The following HBP1 variants were observed in gnomAD, a reference collection of about 807,000 sequenced individuals.
The protein encoded by HBP1 is HMG box-containing protein 1.
HBP1 carries 20 observed loss-of-function variants against 62.6 expected under a neutral mutation model. The ratio of observed to expected loss-of-function variants is 0.32; its 90% CI spans 0.22 to 0.46. The LOEUF is 0.46. Ranked by LOEUF, HBP1 falls within the 20% of genes least tolerant of loss-of-function variation. HBP1 has a pLI of 1.00. For missense variants in HBP1, 480 were observed against 611.8 expected (o/e 0.78, Z 2.27); for synonymous variants, 232 against 206.2 (o/e 1.12, Z -1.07).
chr7:107,199,432 TAA>T (rs1491125720), intron 9 of HBP1, among the ~76,000 whole-genome samples: 2 of 152,174 alleles, frequency 1.3e-5, no homozygotes, highest in African/African-American at 4.8e-5. Flanking sequence ...TTAACTGCAT[TAA>T]GTTATTGGAT....
chr7:107,185,664 T>TG, intron 3 of HBP1, 137 bp from the exon 4 acceptor site: 1 of 574,194 alleles, frequency 1.7e-6, no homozygotes, highest in Non-Finnish European at 3.1e-6. Context: ...AATGAAATCT[T>TG]GCTGTCTTTA....
At chr7:107,181,900 G>GA (rs1797123397) in intron 2 of HBP1, among the ~76,000 whole-genome samples, 1 of 151,674 alleles carries the variant, frequency 6.6e-6, no homozygotes, top group Non-Finnish European at 1.5e-5. Context: ...GCACTTATAG[G>GA]AAAAAATAAC....
At chr7:107,182,628 G>A (rs1442662764) in intron 3 of HBP1, 27 bp downstream of exon 3, 1 of 1,219,000 alleles carries the variant, frequency 8.2e-7, no homozygotes, top group Non-Finnish European at 1.2e-6. Context: ...TATTTTTATT[G>A]AAACATTCTA....
intron 1 of HBP1, chr7:107,169,703 G>T (rs1486461551): frequency 5.1e-6 from 5 of 980,560 alleles, no homozygotes; most frequent in Non-Finnish European, 4.8e-6. Context: ...GCTGGGCCCC[G>T]GGGCTCATTG....
At chr7:107,199,271 G>A (rs115415782) in intron 9 of HBP1, among the ~76,000 whole-genome samples, 2,020 of 152,152 alleles carry the variant, frequency 0.013, 43 homozygotes, top group African/African-American at 0.045. Flanking sequence ...ATGGGGTGAC[G>A]GGGTTTCACC....
intron 8 of HBP1, among the ~76,000 whole-genome samples, chr7:107,193,577 A>C (rs1797753439): frequency 6.6e-6 from 1 of 152,200 alleles, no homozygotes; most frequent in African/African-American, 2.4e-5. Context: ...GGTTTATTTA[A>C]CTTGCCCAAG....
Position 107,200,157 on chromosome 7 carries a change from C to A in HBP1, c.1386-3C>A. ...CAGCATTGTGTAAATATTTATTTTA[C>A]AGAGCCATAAGTGTGATCCTTGGTG... is the stretch of plus-strand genomic sequence containing the variant. On this transcript the variant is annotated splice_region_variant and splice_polypyrimidine_tract_variant and intron_variant, in intron 9 of 10. Transcript: ENST00000222574. 1 of 1,570,592 alleles carries A rather than the reference C, an allele frequency of 6.4e-7. No individual in the cohort carries two copies. The highest frequency in any genetic ancestry group is 1.2e-5 in the South Asian group (1 of 83,230).
intron 10 of HBP1, 69 bp downstream of exon 10, chr7:107,200,370 C>A: frequency 1.5e-6 from 2 of 1,319,668 alleles, no homozygotes; most frequent in Non-Finnish European, 2.1e-6. Context: ...CATGTTGGAG[C>A]AGTTGTTACA....
intron 1 of HBP1, among the ~76,000 whole-genome samples, chr7:107,175,317 A>G (rs779974659): frequency 1.3e-5 from 2 of 152,172 alleles, no homozygotes; most frequent in South Asian, 2.1e-4. Context: ...AGCATTTTAC[A>G]TGATCTCACT....
chr7:107,197,945 T>A (rs1442019641), intron 9 of HBP1, among the ~76,000 whole-genome samples: 1 of 152,202 alleles, frequency 6.6e-6, no homozygotes, highest in Non-Finnish European at 1.5e-5. Context: ...AGGTACATGC[T>A]GCATTTCTCT....
chr7:107,187,334 C>A (rs1797436576), intron 6 of HBP1, among the ~76,000 whole-genome samples: 1 of 152,032 alleles, frequency 6.6e-6, no homozygotes, highest in Admixed American at 6.6e-5. Flanking sequence ...GTGATTAATT[C>A]CCCTGTAGAT....
intron 6 of HBP1, 107 bp downstream of exon 6, chr7:107,186,788 T>A (rs999321473): frequency 4.4e-6 from 3 of 689,086 alleles, no homozygotes; most frequent in Non-Finnish European, 7.6e-6. Context: ...TTAAATGACA[T>A]CGTACATTTT....
intron 2 of HBP1, among the ~76,000 whole-genome samples, chr7:107,181,676 T>G (rs1421526915): frequency 6.6e-6 from 1 of 151,530 alleles, no homozygotes; most frequent in African/African-American, 2.4e-5. Flanking sequence ...TTTTAAGCCT[T>G]CAAGATGCTT....
At chr7:107,196,340 C>T in intron 9 of HBP1, 189 bp downstream of exon 9, 1 of 617,650 alleles carries the variant, frequency 1.6e-6, no homozygotes, top group Non-Finnish European at 3.0e-6. Flanking sequence ...ACGATCTCAG[C>T]TCACTGCAAC....
intron 6 of HBP1, 123 bp from the exon 7 acceptor site, chr7:107,189,169 T>A (rs1453129463): frequency 2.7e-6 from 2 of 734,806 alleles, no homozygotes; most frequent in Non-Finnish European, 4.4e-6. Context: ...GAAAGCTCTT[T>A]AATGGCAGGG....
chr7:107,169,661 G>C, intron 1 of HBP1: 1 of 806,542 alleles, frequency 1.2e-6, no homozygotes. Flanking sequence ...GACTGAGGGG[G>C]ATTCTGGCTG....
rs1056277387 is a variant in HBP1 at position 107,201,578 on chromosome 7, A to C, written c.*147A>C. Reference sequence around the variant, plus strand: ...CATTGAGTCTTGAAATGATTTAATAATATGAGTGAGGATTTGCTTTCTCCA... The same window carrying C: ...CATTGAGTCTTGAAATGATTTAATACTATGAGTGAGGATTTGCTTTCTCCA... On this transcript the variant is annotated 3_prime_UTR_variant, in exon 11 of 11. Coordinates refer to ENST00000222574, the MANE Select transcript of HBP1 (RefSeq NM_012257.4). 2.1e-6 allele frequency: 1 copy of C among 467,710 alleles called. No individual in the cohort carries two copies. The highest frequency in any genetic ancestry group is 3.9e-6 in the Non-Finnish European group (1 of 254,210). 29.0% of individuals were successfully genotyped at this position (467,710 alleles called of 1,614,324 possible).
At chr7:107,188,495 C>T (rs1797495130) in intron 6 of HBP1, among the ~76,000 whole-genome samples, 1 of 152,160 alleles carries the variant, frequency 6.6e-6, no homozygotes, top group Admixed American at 6.5e-5. Flanking sequence ...TGATTGGATA[C>T]TATAGCAAGC....
chr7:107,197,585 G>T (rs753091112), intron 9 of HBP1, among the ~76,000 whole-genome samples: 1 of 152,096 alleles, frequency 6.6e-6, no homozygotes, highest in Non-Finnish European at 1.5e-5. Flanking sequence ...GGCCAGGCTG[G>T]TCTCAAACTC....
Sources: allele counts gnomAD v4.1 joint callset (sites outside exome capture counted in the v4.1 genomes callset), GRCh38; gene constraint gnomAD v4.1.1; transcripts MANE v1.5; gene names NCBI Gene and HGNC (gene_info 2026-07-23, HGNC 2026-07-21).